The following BNC2 variants were observed in gnomAD, a reference collection of about 807,000 sequenced individuals.
BNC2 encodes the protein basonuclin zinc finger protein 2, also known as zinc finger protein basonuclin-2.
Under a neutral mutation model 76.3 loss-of-function variants are expected in BNC2, and 20 were observed. That is an observed-to-expected ratio of 0.26 (90% CI 0.18 to 0.38). The LOEUF is 0.38. Ranked by LOEUF, BNC2 falls within the 10% of genes least tolerant of loss-of-function variation. BNC2 has a pLI of 1.00. For synonymous variants in BNC2, 582 were observed against 514.8 expected, an observed-to-expected ratio of 1.13 and a Z score of -1.77; for missense variants, 1,382 against 1,399.8, an observed-to-expected ratio of 0.99 and a Z score of 0.20.
intron 1 of BNC2, among the ~76,000 whole-genome samples, chr9:16,809,203 C>T (rs779132795): frequency 6.6e-6 from 1 of 152,070 alleles, no homozygotes; most frequent in African/African-American, 2.4e-5. Flanking sequence ...TGGGAGCTGC[C>T]GCTAGAGGAA....
rs1462802321 is a variant in BNC2, at chr9:16,419,147, C to G, written c.3142G>C (p.Gly1048Arg). Residue 1048 changes from glycine (G) to arginine (R), a missense_variant, in exon 7 of 7, where the codon GGG becomes CGG. Around this residue, in one of 3 missense-constraint regions of BNC2, gnomAD observed 798 missense variants for 775.5 expected, o/e 1.03. Coordinates refer to ENST00000380672, the MANE Select transcript of BNC2 (RefSeq NM_017637.6). Reference sequence around the variant, plus strand: ...GTTTTGTAGTGCACTCTCAGGGTCCCCTTGTTGCTGTACATTTTGTGGCAA... The same window carrying G: ...GTTTTGTAGTGCACTCTCAGGGTCCGCTTGTTGCTGTACATTTTGTGGCAA... ...NICHKMYSNK[G>R]TLRVHYKTVH... 6.2e-7 allele frequency: 1 copy of G among 1,614,068 alleles called. No individual in the cohort carries two copies. The highest frequency in any genetic ancestry group is 2.2e-5 in the East Asian group (1 of 44,858).
chr9:16,772,583 C>A (rs1018119292), intron 1 of BNC2, among the ~76,000 whole-genome samples: 11 of 152,024 alleles, frequency 7.2e-5, no homozygotes, highest in African/African-American at 2.7e-4. Context: ...GGAAAAAAAA[C>A]CTCACACCTC....
chr9:16,683,762 A>G (rs1455130082), intron 3 of BNC2, among the ~76,000 whole-genome samples: 2 of 152,246 alleles, frequency 1.3e-5, no homozygotes, highest in Non-Finnish European at 2.9e-5. Flanking sequence ...GTGCAGAAGA[A>G]GCACATTTAG....
At chr9:16,462,604 C>T (rs1009019944) in intron 5 of BNC2, among the ~76,000 whole-genome samples, 37 of 152,180 alleles carry the variant, frequency 2.4e-4, no homozygotes, top group Non-Finnish European at 4.6e-4. Flanking sequence ...AAGGCACACA[C>T]GAAGGGCTTT....
chr9:16,743,118 C>G (rs1824898006), intron 1 of BNC2, among the ~76,000 whole-genome samples: 1 of 152,166 alleles, frequency 6.6e-6, no homozygotes, highest in Non-Finnish European at 1.5e-5. Context: ...TTGGAGACAG[C>G]TCAGGGAAAT....
chr9:16,728,632 A>C (rs960525950), intron 2 of BNC2, among the ~76,000 whole-genome samples: 1 of 151,784 alleles, frequency 6.6e-6, no homozygotes, highest in African/African-American at 2.4e-5. Flanking sequence ...AGCTCCTGAA[A>C]GTCATCTCGT....
chr9:16,795,590 A>T (rs16935071), intron 1 of BNC2, among the ~76,000 whole-genome samples: 27,215 of 151,950 alleles, frequency 0.18, 3,380 homozygotes, highest in East Asian at 0.43. Flanking sequence ...GGATGGTGAC[A>T]CCATTAACCA....
intron 3 of BNC2, among the ~76,000 whole-genome samples, chr9:16,693,127 CAAAAA>C (rs34223075): frequency 3.3e-5 from 2 of 60,440 alleles, no homozygotes; most frequent in African/African-American, 7.6e-5. Flanking sequence ...AAGACAGTCT[CAAAAA>C]AAAAAAAAAA....
At chr9:16,628,585 T>C (rs963560612) in intron 3 of BNC2, among the ~76,000 whole-genome samples, 1 of 152,116 alleles carries the variant, frequency 6.6e-6, no homozygotes, top group Non-Finnish European at 1.5e-5. Context: ...ATCCAGCTAC[T>C]TACAGATGGG....
intron 5 of BNC2, among the ~76,000 whole-genome samples, chr9:16,519,333 C>T (rs1374856712): frequency 6.6e-6 from 1 of 152,158 alleles, no homozygotes; most frequent in Non-Finnish European, 1.5e-5. Flanking sequence ...GGGCCAGAGA[C>T]AAGGATTCTG....
intron 5 of BNC2, among the ~76,000 whole-genome samples, chr9:16,497,676 G>A (rs897683388): frequency 1.3e-5 from 2 of 152,020 alleles, no homozygotes; most frequent in East Asian, 1.9e-4. Flanking sequence ...AAGAAAAAAG[G>A]GTAAAAGTCA....
intron 1 of BNC2, among the ~76,000 whole-genome samples, chr9:16,863,881 A>G (rs1242730344): frequency 6.6e-6 from 1 of 152,192 alleles, no homozygotes; most frequent in African/African-American, 2.4e-5. Flanking sequence ...GGAGACAAAA[A>G]TATTTTATTT....
chr9:16,748,924 ATATAT>A (rs1825095830), intron 1 of BNC2, among the ~76,000 whole-genome samples: 1 of 5,236 alleles, frequency 1.9e-4, no homozygotes, highest in East Asian at 0.01. Context: ...TTTTTATACT[ATATAT>A]ATATATATAT....
intron 3 of BNC2, among the ~76,000 whole-genome samples, chr9:16,592,587 G>A (rs946028758): frequency 1.3e-5 from 2 of 152,126 alleles, no homozygotes; most frequent in African/African-American, 4.8e-5. Context: ...TGATAAAAAT[G>A]TTCAGTGATA....
intron 1 of BNC2, among the ~76,000 whole-genome samples, chr9:16,850,935 G>A (rs1819113268): frequency 1.3e-5 from 2 of 152,100 alleles, no homozygotes; most frequent in African/African-American, 2.4e-5. Context: ...CACCAAAGAC[G>A]CTTAGAAGAA....
chr9:16,816,170 A>C (rs1421556721), intron 1 of BNC2, among the ~76,000 whole-genome samples: 5 of 152,178 alleles, frequency 3.3e-5, no homozygotes, highest in Admixed American at 3.3e-4. Flanking sequence ...AGTAAAGCCT[A>C]ATCACTAGCT....
intron 3 of BNC2, among the ~76,000 whole-genome samples, chr9:16,672,206 G>T (rs13290446): frequency 0.37 from 55,895 of 152,090 alleles, 13,890 homozygotes; most frequent in Non-Finnish European, 0.56. Context: ...AATTGAAAAT[G>T]TTTAACATTG....
At chr9:16,463,319 C>T (rs199621128) in intron 5 of BNC2, among the ~76,000 whole-genome samples, 12 of 86,158 alleles carry the variant, frequency 1.4e-4, no homozygotes, top group South Asian at 1.2e-3. Flanking sequence ...TTTTTTGAGA[C>T]GGAGTCTCGC....
chr9:16,493,097 T>C (rs1057466968), intron 5 of BNC2, among the ~76,000 whole-genome samples: 30 of 152,190 alleles, frequency 2.0e-4, no homozygotes, highest in Admixed American at 1.3e-4. Flanking sequence ...AATTGAATGA[T>C]TAAGCCACTT....
Sources: gnomAD v4.1 joint callset for allele counts (sites outside exome capture counted in the v4.1 genomes callset) on GRCh38, gnomAD v4.1.1 for gene constraint, gnomAD v4.1.1 regional missense constraint, MANE v1.5 for transcripts, NCBI Gene and HGNC (gene_info 2026-07-23, HGNC 2026-07-21) for gene names.